GRM8: variants seen among roughly 807,000 people sequenced by gnomAD.
The protein encoded by GRM8 is metabotropic glutamate receptor 8.
In GRM8, 47 loss-of-function variants were observed where a neutral mutation model predicts 87.2. That is an observed-to-expected ratio of 0.54 (90% CI 0.43 to 0.69). The LOEUF (loss-of-function observed/expected upper bound fraction) is 0.69, where lower values mean the gene tolerates loss of function less well. Among genes scored for constraint, GRM8 ranks in the 30% least tolerant of loss-of-function variants. The probability of loss-of-function intolerance (pLI) is 0.00; values close to 1 mark genes in which losing one functional copy is unlikely to be tolerated. For synonymous variants in GRM8, 396 were observed against 404.5 expected, an observed-to-expected ratio of 0.98 and a Z score of 0.25; for missense variants, 1,019 against 1,139.2, an observed-to-expected ratio of 0.89 and a Z score of 1.52.
rs1793190311 is a variant in GRM8 at position 127,162,667 on chromosome 7, C to G, written c.511-55955G>C. ...TATAACCCTTGCTGGCTTCCAACAG[C>G]GAACTCCAAACTGCCTTTTACTGGA... On this transcript the variant is annotated intron_variant, in intron 2 of 10. Transcript: ENST00000339582. Among the ~76,000 whole-genome samples, 4 of 152,160 alleles carry G rather than the reference C, an allele frequency of 2.6e-5. No homozygotes were observed. The South Asian group carries it at 8.3e-4, about 32-fold the overall frequency.
chr7:126,675,461 T>C (rs775389234), intron 7 of GRM8, among the ~76,000 whole-genome samples: 7 of 152,142 alleles, frequency 4.6e-5, no homozygotes, highest in Non-Finnish European at 1.0e-4. Flanking sequence ...TAGGTCACTA[T>C]CCCTGATGAA....
intron 8 of GRM8, among the ~76,000 whole-genome samples, chr7:126,585,381 G>C (rs527797820): frequency 2.0e-5 from 3 of 152,000 alleles, no homozygotes; most frequent in Non-Finnish European, 2.9e-5. Flanking sequence ...TCTTCATAAG[G>C]TTTGTCCATT....
intron 9 of GRM8, among the ~76,000 whole-genome samples, chr7:126,531,297 C>T (rs1451293023): frequency 6.6e-6 from 1 of 152,186 alleles, no homozygotes; most frequent in Non-Finnish European, 1.5e-5. Context: ...GCCTTTTTCA[C>T]ATTCAACTAT....
chr7:127,228,915 C>G (rs931814777), intron 2 of GRM8: 6 of 152,118 alleles, frequency 3.9e-5, no homozygotes, highest in African/African-American at 1.4e-4. Flanking sequence ...AAACTTGTAC[C>G]ACTTTACTGG....
At chr7:126,944,929 T>C (rs1465669243) in intron 3 of GRM8, among the ~76,000 whole-genome samples, 1 of 152,230 alleles carries the variant, frequency 6.6e-6, no homozygotes, top group Admixed American at 6.5e-5. Context: ...AACAACGTGA[T>C]GTCATTTCAC....
At chr7:126,541,453 T>TCTCA (rs1275649661) in intron 8 of GRM8, among the ~76,000 whole-genome samples, 1 of 152,158 alleles carries the variant, frequency 6.6e-6, no homozygotes, top group Admixed American at 6.5e-5. Context: ...ATGAAGGGCC[T>TCTCA]TGTGAGCCAT....
rs371006581 is a variant in GRM8 at position 126,508,030 on chromosome 7, T to C, written c.2430+24922A>G. On this transcript the variant is annotated intron_variant, in intron 9 of 10. Transcript: ENST00000339582. ...AGTACCTGCACTGGCAGGACAAGTA[T>C]AGAACGTCAACAAGTGAAGATGTTC... is the stretch of plus-strand genomic sequence containing the variant. Among the ~76,000 whole-genome samples, 16 of 152,190 alleles carry C rather than the reference T, an allele frequency of 1.1e-4. No homozygotes were observed. In the South Asian group the frequency reaches 3.1e-3, roughly 30 times the overall value.
chr7:127,084,919 T>C (rs529527784), intron 3 of GRM8: 6 of 152,356 alleles, frequency 3.9e-5, no homozygotes, highest in South Asian at 2.1e-4. Context: ...ACTCATCAAC[T>C]GGTCATTTAC....
intron 7 of GRM8, among the ~76,000 whole-genome samples, chr7:126,654,696 C>G (rs1405328602): frequency 1.3e-5 from 2 of 152,136 alleles, no homozygotes; most frequent in African/African-American, 4.8e-5. Flanking sequence ...CTTTCAATAA[C>G]AATGTCATCA....
intron 9 of GRM8, among the ~76,000 whole-genome samples, chr7:126,495,199 G>A (rs917968791): frequency 6.6e-6 from 1 of 151,984 alleles, no homozygotes; most frequent in Non-Finnish European, 1.5e-5. Flanking sequence ...TTAGGCATCT[G>A]AAAACGTGTG....
intron 6 of GRM8, among the ~76,000 whole-genome samples, chr7:126,856,583 C>T (rs1215512332): frequency 6.6e-6 from 1 of 152,156 alleles, no homozygotes. Flanking sequence ...AATCAGACTA[C>T]TGAATAAATT....
intron 9 of GRM8, among the ~76,000 whole-genome samples, chr7:126,505,071 C>T (rs1206748804): frequency 6.6e-6 from 1 of 151,968 alleles, no homozygotes; most frequent in Non-Finnish European, 1.5e-5. Context: ...GAATAGTGAA[C>T]AGAAGAAGCA....
intron 7 of GRM8, among the ~76,000 whole-genome samples, chr7:126,640,045 C>A (rs1336183556): frequency 6.6e-6 from 1 of 152,110 alleles, no homozygotes. Flanking sequence ...AACACATAAC[C>A]AGAACACACA....
chr7:126,695,607 A>C (rs1809300215), intron 7 of GRM8, among the ~76,000 whole-genome samples: 1 of 152,204 alleles, frequency 6.6e-6, no homozygotes, highest in African/African-American at 2.4e-5. Flanking sequence ...CAAGTATTTC[A>C]GCAAAGGTCT....
chr7:126,800,323 A>G (rs1822519352), intron 6 of GRM8, among the ~76,000 whole-genome samples: 1 of 152,052 alleles, frequency 6.6e-6, no homozygotes, highest in Non-Finnish European at 1.5e-5. Context: ...CTCCCTTCAG[A>G]AGTCCATCTG....
At chr7:127,135,190 GA>G (rs1289957455) in intron 2 of GRM8, among the ~76,000 whole-genome samples, 2 of 151,814 alleles carry the variant, frequency 1.3e-5, no homozygotes, top group African/African-American at 4.8e-5. Context: ...TTCATATGAT[GA>G]AAACATTTTC....
intron 2 of GRM8, among the ~76,000 whole-genome samples, chr7:127,185,068 A>G (rs1359760177): frequency 6.6e-6 from 1 of 152,064 alleles, no homozygotes; most frequent in Non-Finnish European, 1.5e-5. Flanking sequence ...AATTCAAAGC[A>G]ATCCAAATCA....
intron 3 of GRM8, among the ~76,000 whole-genome samples, chr7:126,914,322 G>A (rs549717280): frequency 6.6e-6 from 1 of 152,318 alleles, no homozygotes; most frequent in South Asian, 2.1e-4. Context: ...CTGTTGGTGG[G>A]AATGTAAATT....
chr7:126,544,753 C>T (rs974250707), intron 8 of GRM8, among the ~76,000 whole-genome samples: 2 of 152,048 alleles, frequency 1.3e-5, no homozygotes, highest in African/African-American at 4.8e-5. Flanking sequence ...CATGATCCGC[C>T]CGCCTCGGCC....
Sources: gnomAD v4.1 joint callset for allele counts (sites outside exome capture counted in the v4.1 genomes callset) on GRCh38, gnomAD v4.1.1 for gene constraint, MANE v1.5 for transcripts, NCBI Gene and HGNC (gene_info 2026-07-23, HGNC 2026-07-21) for gene names.